TAS1R1: variants seen among roughly 807,000 people sequenced by gnomAD.
The protein encoded by TAS1R1 is taste receptor type 1 member 1.
TAS1R1 carries 31 observed loss-of-function variants against 45.8 expected under a neutral mutation model. That is an observed-to-expected ratio of 0.68 (90% CI 0.51 to 0.91). The LOEUF is 0.91. Ranked by LOEUF, TAS1R1 falls within the 40% of genes least tolerant of loss-of-function variation. The pLI is 0.00. For missense variants in TAS1R1, 1,051 were observed against 1,063.9 expected (o/e 0.99, Z 0.17); for synonymous variants, 437 against 448.4 (o/e 0.97, Z 0.32).
chr1:6,556,990 CA>C (rs1639698062), intron 1 of TAS1R1, among the ~76,000 whole-genome samples: 1 of 119,698 alleles, frequency 8.4e-6, no homozygotes, highest in Non-Finnish European at 1.6e-5. Context: ...ACCCGGGCGA[CA>C]GAGCGAGGCT....
Position 6,574,604 on chromosome 1 carries a change from G to T in TAS1R1, c.499-27G>T. The T allele has an allele frequency of 6.4e-7, 1 of 1,572,054 alleles. No individual in the cohort carries two copies. The highest frequency in any genetic ancestry group is 1.2e-5 in the South Asian group (1 of 82,810). ...ACTGGGGGGGCCTTCAGTGGAGACT[G>T]AAATGGCTGAACGGGACCTCCCATA... On this transcript the variant is annotated intron_variant, in intron 2 of 5. Coordinates refer to ENST00000333172, the MANE Select transcript of TAS1R1 (RefSeq NM_138697.4). This position sits in a 1 kb window ranked among gnomAD's most constrained non-coding sequence, Gnocchi z 4.3.
intron 1 of TAS1R1, among the ~76,000 whole-genome samples, chr1:6,564,895 C>T (rs1028490813): frequency 6.6e-6 from 1 of 152,132 alleles, no homozygotes; most frequent in African/African-American, 2.4e-5. Context: ...GGGAGTGTTC[C>T]TCTGAGCTGA....
chr1:6,569,149 A>G lies in TAS1R1; in HGVS notation c.192-1760A>G, dbSNP rs187733463. Reference sequence around the variant, plus strand: ...GGGGGCAGAACAGGAACGGGGACGTAAGGTGGGGGATTGGGGTGGTTTAAT... The same window carrying G: ...GGGGGCAGAACAGGAACGGGGACGTGAGGTGGGGGATTGGGGTGGTTTAAT... On this transcript the variant is annotated intron_variant, in intron 1 of 5. Coordinates refer to ENST00000333172, the MANE Select transcript of TAS1R1 (RefSeq NM_138697.4). Among the ~76,000 whole-genome samples the G allele has an allele frequency of 2.2e-4, 32 of 148,204 alleles. No homozygotes were observed. In the East Asian group the frequency reaches 4.5e-3, roughly 21 times the overall value.
chr1:6,576,745 C>A, intron 4 of TAS1R1, 118 bp downstream of exon 4: 2 of 1,380,024 alleles, frequency 1.4e-6, no homozygotes, highest in South Asian at 1.3e-5. Flanking sequence ...CAGCTGCCAC[C>A]ACTCTACCCA....
intron 1 of TAS1R1, 41 bp downstream of exon 1, chr1:6,555,605 T>C: frequency 6.6e-7 from 1 of 1,518,324 alleles, no homozygotes; most frequent in South Asian, 1.2e-5. Context: ...GTGGGACCCC[T>C]GGCTATAGGG....
intron 1 of TAS1R1, among the ~76,000 whole-genome samples, chr1:6,564,959 C>T (rs1299045866): frequency 6.6e-6 from 1 of 151,478 alleles, no homozygotes; most frequent in Non-Finnish European, 1.5e-5. Flanking sequence ...ACAGAATATA[C>T]GACAGTTGGA....
chr1:6,563,261 A>G (rs1212615109), intron 1 of TAS1R1, among the ~76,000 whole-genome samples: 3 of 152,182 alleles, frequency 2.0e-5, no homozygotes, highest in Non-Finnish European at 2.9e-5. Flanking sequence ...AGGTATGGTT[A>G]CATTGATGGG....
At chr1:6,572,316 T>C (rs1640040414) in intron 2 of TAS1R1, among the ~76,000 whole-genome samples, 1 of 146,182 alleles carries the variant, frequency 6.8e-6, no homozygotes, top group East Asian at 2.0e-4. Flanking sequence ...ACACTCAGGC[T>C]GGAGTGCAGT....
In TAS1R1 at chr1:6,579,568, G is replaced by C; in HGVS notation, c.2510G>C (p.Arg837Pro). ...GCCTCCATTCAGGACTACACGAGGC[G>C]CTGCGGCTCCACCTGACCAGTGGGT... is the stretch of plus-strand genomic sequence containing the variant. ...FQASIQDYTR[R>P]CGST The change falls in exon 6 of 6, where the codon CGC becomes CCC. Residue 837 changes from arginine (R) to proline (P), a missense_variant. Transcript: ENST00000333172. 1 of 1,606,276 alleles carries C rather than the reference G, an allele frequency of 6.2e-7. No homozygotes were observed. The highest frequency in any genetic ancestry group is 8.5e-7 in the Non-Finnish European group (1 of 1,177,736).
intron 5 of TAS1R1, among the ~76,000 whole-genome samples, chr1:6,577,782 T>C (rs953333550): frequency 1.3e-5 from 2 of 151,908 alleles, no homozygotes; most frequent in Admixed American, 1.3e-4. Flanking sequence ...GAGCCAAGAT[T>C]GCACCATTGC....
At chr1:6,563,519 T>G (rs1639823276) in intron 1 of TAS1R1, among the ~76,000 whole-genome samples, 1 of 152,220 alleles carries the variant, frequency 6.6e-6, no homozygotes, top group Non-Finnish European at 1.5e-5. Flanking sequence ...AGGGGCTTTT[T>G]CCTTCATAAC....
Position 6,576,939 on chromosome 1 carries a change from G to T in TAS1R1, c.1474-11G>T. Reference sequence around the variant, plus strand: ...TGGGCCCCTACGTGTGGCCCCTCTGGCTTCTTACAGGTGCCTAAGTCTGTG... The same window carrying T: ...TGGGCCCCTACGTGTGGCCCCTCTGTCTTCTTACAGGTGCCTAAGTCTGTG... On this transcript the variant is annotated splice_polypyrimidine_tract_variant and intron_variant, in intron 4 of 5. Coordinates refer to ENST00000333172, the MANE Select transcript of TAS1R1 (RefSeq NM_138697.4). The T allele has an allele frequency of 6.2e-7, 1 of 1,614,214 alleles. No homozygotes were observed. Among genetic ancestry groups the T allele is most frequent in the Non-Finnish European group, 8.5e-7 (1 of 1,180,022 alleles).
rs1238450361 is a variant in TAS1R1 at position 6,571,079 on chromosome 1, T to A, written c.362T>A (p.Leu121Gln). The A allele has an allele frequency of 6.2e-7, 1 of 1,614,058 alleles. No individual in the cohort carries two copies. The highest frequency in any genetic ancestry group is 8.5e-7 in the Non-Finnish European group (1 of 1,180,022). Residue 121 changes from leucine to glutamine, a missense_variant, in exon 2 of 6, where the codon CTG (leucine) becomes CAG (glutamine). Coordinates refer to ENST00000333172, the MANE Select transcript of TAS1R1 (RefSeq NM_138697.4). Reference protein sequence around the residue: ...NVYATLRVLSLPGQHHIELQG... With the variant: ...NVYATLRVLSQPGQHHIELQG... The stretch of plus-strand genomic sequence containing the variant: ...TATGCCACGCTGAGAGTGCTCTCCC[T>A]GCCAGGGCAACACCACATAGAGCTC...
At chr1:6,576,841 C>A in intron 4 of TAS1R1, 109 bp from the exon 5 acceptor site, 2 of 1,564,268 alleles carry the variant, frequency 1.3e-6, no homozygotes, top group Non-Finnish European at 1.7e-6. Flanking sequence ...GGGGCCCTGC[C>A]CTGGGAGTGA....
chr1:6,574,664 G>T lies in TAS1R1; in HGVS notation c.532G>T (p.Val178Leu). The change falls in exon 3 of 6, where the codon GTG becomes TTG. Residue 178 changes from valine (V) to leucine (L), a missense_variant. Physicochemically the swap from Val to Leu is conservative, Grantham distance 32 (BLOSUM62 1). Transcript: ENST00000333172. The surrounding 1 kb of genome is among the most constrained non-coding windows in gnomAD (Gnocchi z 4.3). ...TGCGGCCAGCAGCGAGACGCTCAGCGTGAAGCGGCAGTATCCCTCTTTCCT... is the reference window on the plus strand; with the variant it reads ...TGCGGCCAGCAGCGAGACGCTCAGCTTGAAGCGGCAGTATCCCTCTTTCCT... ...SYAASSETLS[V>L]KRQYPSFLRT... 1 of 1,612,486 alleles carries T rather than the reference G, an allele frequency of 6.2e-7. No homozygotes were observed. The highest frequency in any genetic ancestry group is 1.1e-5 in the South Asian group (1 of 90,956).
chr1:6,578,856 G>T lies in TAS1R1; in HGVS notation c.1798G>T (p.Ala600Ser), dbSNP rs559478350. The T allele has an allele frequency of 1.2e-5, 19 of 1,609,716 alleles. No individual in the cohort carries two copies. In the South Asian group the frequency reaches 2.1e-4, roughly 18 times the overall value. Residue 600 changes from alanine (A) to serine (S), a missense_variant, in exon 6 of 6, where the codon GCA becomes TCA. By Grantham distance (99) the Ala-to-Ser change is moderately conservative. Coordinates refer to ENST00000333172, the MANE Select transcript of TAS1R1 (RefSeq NM_138697.4). Reference sequence around the variant, plus strand: ...CCTAGACACCCCTGTGGTGAGGTCAGCAGGGGGCCGCCTGTGCTTTCTTAT... The same window carrying T: ...CCTAGACACCCCTGTGGTGAGGTCATCAGGGGGCCGCCTGTGCTTTCTTAT... ...WHLDTPVVRSAGGRLCFLMLG... is the reference protein window; with the variant it reads ...WHLDTPVVRSSGGRLCFLMLG...
chr1:6,558,226 C>CTGCAG (rs944207767), intron 1 of TAS1R1, among the ~76,000 whole-genome samples: 3 of 151,828 alleles, frequency 2.0e-5, no homozygotes, highest in African/African-American at 7.3e-5. Flanking sequence ...TTTATAGAGA[C>CTGCAG]AGGGTCTCAC....
At position 6,579,027 on chromosome 1, in the gene TAS1R1, A is replaced by G; in HGVS notation, c.1969A>G (p.Ile657Val). ...SCLTVRSFQLIIIFKFSTKVP... is the reference protein window; with the variant it reads ...SCLTVRSFQLVIIFKFSTKVP... ...CCTGACAGTTCGCTCATTCCAACTA[A>G]TCATCATCTTCAAGTTTTCCACCAA... Residue 657 changes from isoleucine (I) to valine (V), a missense_variant, in exon 6 of 6, where the codon ATC becomes GTC. By Grantham distance (29) the Ile-to-Val change is conservative (BLOSUM62 3). Transcript: ENST00000333172. 3 of 1,613,056 alleles carry G rather than the reference A, an allele frequency of 1.9e-6. No homozygotes were observed. The South Asian group carries it at 3.3e-5, about 18-fold the overall frequency.
intron 3 of TAS1R1, among the ~76,000 whole-genome samples, chr1:6,575,756 G>C (rs11122099): frequency 0.79 from 118,289 of 149,246 alleles, 47,948 homozygotes; most frequent in Non-Finnish European, 0.87. Context: ...GCAGTGGTGC[G>C]ATCTTGGCTC....
Sources: gnomAD v4.1 joint callset for allele counts (sites outside exome capture counted in the v4.1 genomes callset) on GRCh38, gnomAD v4.1.1 for gene constraint, Gnocchi (gnomAD v3.1) non-coding constraint, MANE v1.5 for transcripts, NCBI Gene and HGNC (gene_info 2026-07-23, HGNC 2026-07-21) for gene names.